SLC60A1: variants seen among roughly 807,000 people sequenced by gnomAD.
SLC60A1 encodes the protein solute carrier family 60 member 1.
the SLC60A1 span, among the ~76,000 whole-genome samples, chr1:205,582,216 G>T: frequency 6.6e-6 from 1 of 152,198 alleles, no homozygotes; most frequent in Non-Finnish European, 1.5e-5. Context: ...CCTCTAGGCT[G>T]AGACTCCCAG....
chr1:205,600,042 T>C, the SLC60A1 span: 35,156 of 180,706 alleles, frequency 0.19, 3,814 homozygotes, highest in Non-Finnish European at 0.22. Context: ...GAAGGAAAGG[T>C]GGCCCCCAAA....
the SLC60A1 span, among the ~76,000 whole-genome samples, chr1:205,573,449 C>T: frequency 6.6e-6 from 1 of 151,672 alleles, no homozygotes; most frequent in Non-Finnish European, 1.5e-5. Flanking sequence ...GTGGTATATC[C>T]ATGCAACGGA....
the SLC60A1 span, among the ~76,000 whole-genome samples, chr1:205,587,202 T>C: frequency 6.6e-6 from 1 of 152,176 alleles, no homozygotes; most frequent in Non-Finnish European, 1.5e-5. Context: ...TTGAGCCACC[T>C]CTATCTATAA....
the SLC60A1 span, among the ~76,000 whole-genome samples, chr1:205,572,264 T>G: frequency 6.6e-6 from 1 of 152,094 alleles, no homozygotes; most frequent in Non-Finnish European, 1.5e-5. Context: ...CCTGGTTTCT[T>G]GGGGATCTGT....
At chr1:205,573,731 C>T in the SLC60A1 span, among the ~76,000 whole-genome samples, 1 of 152,006 alleles carries the variant, frequency 6.6e-6, no homozygotes, top group South Asian at 2.1e-4. Context: ...TAGTCTTGTT[C>T]TTTTGCCCAA....
the SLC60A1 span, chr1:205,584,191 A>G: frequency 7.8e-6 from 11 of 1,417,254 alleles, no homozygotes; most frequent in Non-Finnish European, 1.1e-5. Flanking sequence ...CCCCTCTCCC[A>G]GAGAGAGTGA....
the SLC60A1 span, among the ~76,000 whole-genome samples, chr1:205,593,648 A>G: frequency 1.2e-4 from 19 of 152,130 alleles, no homozygotes; most frequent in Admixed American, 1.3e-4. Context: ...AATCTTTTCT[A>G]CGATAAACCT....
the SLC60A1 span, among the ~76,000 whole-genome samples, chr1:205,573,410 ACT>A: frequency 6.7e-6 from 1 of 148,190 alleles, no homozygotes; most frequent in Non-Finnish European, 1.5e-5. Context: ...CAAGAGCGAA[ACT>A]CTGTCTCAAA....
chr1:205,577,795 A>G, the SLC60A1 span, among the ~76,000 whole-genome samples: 1 of 152,180 alleles, frequency 6.6e-6, no homozygotes, highest in African/African-American at 2.4e-5. The surrounding 1 kb of genome is among the most constrained non-coding windows in gnomAD (Gnocchi z 5.2). Flanking sequence ...AGGGACTATC[A>G]AGCCAGAAGA....
At chr1:205,580,817 G>A in the SLC60A1 span, 1,109 of 1,614,154 alleles carry the variant, frequency 6.9e-4, 5 homozygotes, top group African/African-American at 9.6e-3. The surrounding 1 kb of genome is among the most constrained non-coding windows in gnomAD (Gnocchi z 5.0). Flanking sequence ...CCAGCACCAC[G>A]TAGATGCCAA....
At chr1:205,594,765 CT>C in the SLC60A1 span, among the ~76,000 whole-genome samples, 1 of 152,136 alleles carries the variant, frequency 6.6e-6, no homozygotes, top group Non-Finnish European at 1.5e-5. Context: ...CATTGACCTG[CT>C]TGGACTAGTT....
chr1:205,569,139 GTCT>G, the SLC60A1 span: 1 of 1,534,954 alleles, frequency 6.5e-7, no homozygotes, highest in Non-Finnish European at 8.8e-7. Context: ...CTACTGGAGC[GTCT>G]TCTTCAGCTT....
chr1:205,571,551 C>G, the SLC60A1 span, among the ~76,000 whole-genome samples: 1 of 152,070 alleles, frequency 6.6e-6, no homozygotes, highest in African/African-American at 2.4e-5. Flanking sequence ...CTCCCACCCC[C>G]AAGACAAAAT....
chr1:205,584,195 A>G, the SLC60A1 span: 1 of 1,296,514 alleles, frequency 7.7e-7, no homozygotes. Context: ...TCTCCCAGAG[A>G]GAGTGAACCT....
At chr1:205,571,649 C>T in the SLC60A1 span, among the ~76,000 whole-genome samples, 2 of 152,132 alleles carry the variant, frequency 1.3e-5, no homozygotes, top group African/African-American at 2.4e-5. Flanking sequence ...TGAGTGTAGG[C>T]GACAGTCTCC....
At chr1:205,578,963 C>A in the SLC60A1 span, among the ~76,000 whole-genome samples, 1 of 152,166 alleles carries the variant, frequency 6.6e-6, no homozygotes, top group Non-Finnish European at 1.5e-5. Context: ...CCAAAAAAGA[C>A]CTTGACAGAG....
the SLC60A1 span, chr1:205,597,959 C>A: frequency 1.7e-6 from 2 of 1,197,130 alleles, no homozygotes; most frequent in South Asian, 1.3e-5. Flanking sequence ...TTTCCTGAGT[C>A]TCCAGCAAAG....
chr1:205,598,766 A>G, the SLC60A1 span: 1 of 204,348 alleles, frequency 4.9e-6, no homozygotes, highest in Non-Finnish European at 9.8e-6. Context: ...TTCTCATAAT[A>G]AAAGAGTAAA....
chr1:205,593,060 T>C, the SLC60A1 span, among the ~76,000 whole-genome samples: 14 of 152,166 alleles, frequency 9.2e-5, no homozygotes, highest in Non-Finnish European at 2.1e-4. Flanking sequence ...TCCCTCCCCT[T>C]TCCCTAGCCT....
Sources: gnomAD v4.1 joint callset for allele counts (sites outside exome capture counted in the v4.1 genomes callset) on GRCh38, gnomAD v4.1.1 for gene constraint, Gnocchi (gnomAD v3.1) non-coding constraint, MANE v1.5 for transcripts, NCBI Gene and HGNC (gene_info 2026-07-23, HGNC 2026-07-21) for gene names.